PLA2G2C: variants seen among roughly 807,000 people sequenced by gnomAD.
PLA2G2C encodes the protein phospholipase A2 group IIC, also known as putative inactive group IIC secretory phospholipase A2.
In PLA2G2C, 15 loss-of-function variants were observed where a neutral mutation model predicts 14.3. That is an observed-to-expected ratio of 1.05 (90% confidence interval 0.70 to 1.62). The LOEUF is 1.62. Ranked by LOEUF, PLA2G2C falls within the 40% of genes most tolerant of loss-of-function variation. PLA2G2C has a pLI of 0.00. For missense variants in PLA2G2C, 162 were observed against 173.2 expected (o/e 0.94, Z 0.36); for synonymous variants, 79 against 67.7 (o/e 1.17, Z -0.82).
At chr1:20,173,010 CAAT>C in intron 3 of PLA2G2C, 113 bp from the exon 4 acceptor site, 1 of 706,212 alleles carries the variant, frequency 1.4e-6, no homozygotes, top group Non-Finnish European at 2.4e-6. Flanking sequence ...GGTGAATTAT[CAAT>C]AATATTAAAC....
chr1:20,164,281 G>A, intron 4 of PLA2G2C, 124 bp from the exon 5 acceptor site: 1 of 953,126 alleles, frequency 1.0e-6, no homozygotes, highest in Non-Finnish European at 1.5e-6. Flanking sequence ...GAAAGCCACT[G>A]AAAGGGATAC....
rs1269657201 is a variant in PLA2G2C at position 20,175,296 on chromosome 1, C to A, written c.41-151G>T. The A allele has an allele frequency of 6.1e-6, 7 of 1,140,744 alleles. No homozygotes were observed. In the East Asian group the frequency reaches 1.7e-4, roughly 28 times the overall value. The allele number at this position is 1,140,744 out of a possible 1,614,324, so 70.7% of individuals were successfully genotyped here. A position where few individuals can be genotyped will look rare whatever the true frequency, so the allele number is the denominator to read the frequency against. On this transcript the variant is annotated intron_variant, in intron 2 of 4. Coordinates refer to ENST00000679259, the MANE Select transcript of PLA2G2C (RefSeq NM_001367969.2). ...CAAGGGGCATGGCTGGAATCACCAG[C>A]CTCTTTCCTGGGGAATAAAATAGGT...
intron 3 of PLA2G2C, 49 bp downstream of exon 3, chr1:20,174,958 A>G (rs772567403): frequency 1.8e-5 from 27 of 1,537,678 alleles, no homozygotes; most frequent in Non-Finnish European, 2.4e-5. Context: ...TTGAGCATGA[A>G]CTTTAATGCA....
chr1:20,182,862 C>G (rs984968533), intron 1 of PLA2G2C, among the ~76,000 whole-genome samples: 2 of 152,352 alleles, frequency 1.3e-5, no homozygotes, highest in South Asian at 4.1e-4. Flanking sequence ...CGCTAAGAAA[C>G]CGGGGCCCCC....
chr1:20,166,034 G>A (rs910056117), intron 4 of PLA2G2C, among the ~76,000 whole-genome samples: 1 of 152,228 alleles, frequency 6.6e-6, no homozygotes, highest in Admixed American at 6.5e-5. Context: ...TCCCATTCCT[G>A]GGGTGGTGGT....
intron 2 of PLA2G2C, among the ~76,000 whole-genome samples, chr1:20,176,198 C>T (rs571480210): frequency 6.6e-6 from 1 of 152,208 alleles, no homozygotes; most frequent in South Asian, 2.1e-4. Context: ...GGATTATAGT[C>T]ATGAACAACC....
intron 2 of PLA2G2C, among the ~76,000 whole-genome samples, chr1:20,175,533 C>T (rs1212342538): frequency 6.6e-6 from 1 of 152,130 alleles, no homozygotes; most frequent in East Asian, 1.9e-4. Context: ...TGTCATCAGG[C>T]CTTTACTATC....
intron 1 of PLA2G2C, among the ~76,000 whole-genome samples, chr1:20,184,827 G>C (rs920014585): frequency 6.6e-6 from 1 of 152,042 alleles, no homozygotes; most frequent in African/African-American, 2.4e-5. Context: ...GGGAGGTTTC[G>C]CAAGCAAAAC....
At chr1:20,169,583 C>T (rs965389882) in intron 4 of PLA2G2C, among the ~76,000 whole-genome samples, 7 of 152,094 alleles carry the variant, frequency 4.6e-5, no homozygotes, top group Non-Finnish European at 7.4e-5. Flanking sequence ...ATCCCAGTGC[C>T]GTAAGCAAAG....
intron 1 of PLA2G2C, chr1:20,186,000 C>A (rs1025849572): frequency 7.2e-6 from 1 of 138,410 alleles, no homozygotes; most frequent in African/African-American, 3.3e-5. Flanking sequence ...CAGCGGCCCC[C>A]ACCCGACCCC....
At chr1:20,177,210 T>C in intron 2 of PLA2G2C, 114 bp downstream of exon 2, 2 of 694,680 alleles carry the variant, frequency 2.9e-6, no homozygotes. Context: ...TCCTGATTCT[T>C]TTCTGCGGGA....
chr1:20,180,973 AAGGAC>A (rs2018270054), intron 1 of PLA2G2C, among the ~76,000 whole-genome samples: 1 of 152,238 alleles, frequency 6.6e-6, no homozygotes, highest in African/African-American at 2.4e-5. Flanking sequence ...CAAGCTCATT[AAGGAC>A]AGAGGTCAGG....
In PLA2G2C at chr1:20,176,617, C is replaced by A. The variant is rs185146298; in HGVS notation, c.40+707G>T. Among the ~76,000 whole-genome samples the A allele has an allele frequency of 2.6e-3, 399 of 152,330 alleles. 1 individual carries two copies. The highest frequency in any genetic ancestry group is 5.6e-3 in the Admixed American group (86 of 15,296). ...GGGGCTGCAGAGGCGGTCATCCCTGCGTACAGGTATCCTCCTGCACTATCA... is the reference window on the plus strand; with the variant it reads ...GGGGCTGCAGAGGCGGTCATCCCTGAGTACAGGTATCCTCCTGCACTATCA... On this transcript the variant is annotated intron_variant, in intron 2 of 4. Coordinates refer to ENST00000679259, the MANE Select transcript of PLA2G2C (RefSeq NM_001367969.2).
At chr1:20,166,507 CT>C (rs1480733832) in intron 4 of PLA2G2C, among the ~76,000 whole-genome samples, 1 of 152,212 alleles carries the variant, frequency 6.6e-6, no homozygotes, top group Non-Finnish European at 1.5e-5. Flanking sequence ...ACGAGGGCTA[CT>C]TGAGCTCAGG....
At chr1:20,172,676 C>G in intron 4 of PLA2G2C, 118 bp downstream of exon 4, 2 of 892,656 alleles carry the variant, frequency 2.2e-6, no homozygotes. Flanking sequence ...TCAGGAATAT[C>G]TCCTTCCAAG....
chr1:20,181,434 A>G (rs965842559), intron 1 of PLA2G2C, among the ~76,000 whole-genome samples: 2 of 152,078 alleles, frequency 1.3e-5, no homozygotes, highest in Non-Finnish European at 2.9e-5. Context: ...TGAAGCTGGC[A>G]CAGGTCAGGT....
At chr1:20,183,377 G>A (rs1569941019) in intron 1 of PLA2G2C, among the ~76,000 whole-genome samples, 1 of 152,212 alleles carries the variant, frequency 6.6e-6, no homozygotes, top group East Asian at 1.9e-4. Context: ...AAGGGCCATG[G>A]GGGAACACGC....
intron 3 of PLA2G2C, among the ~76,000 whole-genome samples, chr1:20,174,318 G>A (rs911576391): frequency 3.9e-5 from 6 of 152,222 alleles, no homozygotes; most frequent in East Asian, 3.9e-4. Flanking sequence ...AAACTGTCCC[G>A]TTTCTTACCT....
intron 1 of PLA2G2C, among the ~76,000 whole-genome samples, chr1:20,183,443 T>A (rs1473570219): frequency 2.0e-5 from 3 of 152,182 alleles, no homozygotes; most frequent in African/African-American, 2.4e-5. Context: ...TGGAAACTGC[T>A]GGATGCAGGT....
Sources: allele counts gnomAD v4.1 joint callset (sites outside exome capture counted in the v4.1 genomes callset), GRCh38; gene constraint gnomAD v4.1.1; transcripts MANE v1.5; gene names NCBI Gene and HGNC (gene_info 2026-07-23, HGNC 2026-07-21).